DLG1: variants seen among roughly 807,000 people sequenced by gnomAD.
DLG1 encodes discs large MAGUK scaffold protein 1.
A neutral mutation model predicts 123.4 loss-of-function variants in DLG1; 42 were observed. That is an observed-to-expected ratio of 0.34 (90% CI 0.27 to 0.44). The LOEUF (loss-of-function observed/expected upper bound fraction) is 0.44. Ranked by LOEUF, DLG1 falls within the 20% of genes least tolerant of loss-of-function variation. The pLI is 1.00. For missense variants in DLG1, 942 were observed against 1,082.6 expected (o/e 0.87, Z 1.82); for synonymous variants, 317 against 356.2 (o/e 0.89, Z 1.24).
At chr3:197,178,105 T>TA (rs1210271761) in intron 5 of DLG1, among the ~76,000 whole-genome samples, 1 of 151,836 alleles carries the variant, frequency 6.6e-6, no homozygotes, top group Non-Finnish European at 1.5e-5. Context: ...AAAAAGACAG[T>TA]AAAAAATGTA....
intron 13 of DLG1, among the ~76,000 whole-genome samples, chr3:197,111,853 G>A (rs1185349649): frequency 6.6e-6 from 1 of 152,164 alleles, no homozygotes; most frequent in African/African-American, 2.4e-5. Context: ...TTTAATTGCT[G>A]AGTAGTATTA....
At chr3:197,276,125 C>T (rs140428812) in intron 4 of DLG1, among the ~76,000 whole-genome samples, 2 of 152,304 alleles carry the variant, frequency 1.3e-5, no homozygotes, top group East Asian at 1.9e-4. Context: ...GACATGTAAC[C>T]TGCTTTCACT....
At chr3:197,065,633 A>G in intron 21 of DLG1, 75 bp downstream of exon 21, 4 of 1,133,552 alleles carry the variant, frequency 3.5e-6, no homozygotes, top group South Asian at 2.8e-5. Context: ...AAAAATGGTT[A>G]TATCTATTTT....
chr3:197,190,371 A>T (rs528164960), intron 5 of DLG1, among the ~76,000 whole-genome samples: 5 of 147,396 alleles, frequency 3.4e-5, no homozygotes, highest in African/African-American at 1.3e-4. Context: ...CCAAATCCTC[A>T]CATACTGAAG....
At chr3:197,206,228 A>C (rs1047863069) in intron 4 of DLG1, among the ~76,000 whole-genome samples, 1 of 152,208 alleles carries the variant, frequency 6.6e-6, no homozygotes, top group Non-Finnish European at 1.5e-5. Context: ...ATTTCTACGG[A>C]TTCTTCTAAG....
chr3:197,174,053 A>T (rs1378377025), intron 5 of DLG1, among the ~76,000 whole-genome samples: 1 of 152,220 alleles, frequency 6.6e-6, no homozygotes, highest in Non-Finnish European at 1.5e-5. Context: ...ACTGCACTCC[A>T]GCCTGGGCGA....
intron 13 of DLG1, among the ~76,000 whole-genome samples, chr3:197,114,382 C>G (rs1417099275): frequency 6.6e-6 from 1 of 152,192 alleles, no homozygotes; most frequent in Admixed American, 6.5e-5. Flanking sequence ...ACGAACAAGA[C>G]AGAGTAGACT....
At chr3:197,047,750 C>T (rs1435753683) in intron 24 of DLG1, among the ~76,000 whole-genome samples, 1 of 152,004 alleles carries the variant, frequency 6.6e-6, no homozygotes, top group African/African-American at 2.4e-5. Flanking sequence ...AAACTAAACC[C>T]TTATCTTATA....
chr3:197,076,743 G>T (rs1578636374), intron 17 of DLG1, 58 bp from the exon 18 acceptor site: 1 of 1,311,138 alleles, frequency 7.6e-7, no homozygotes, highest in East Asian at 2.4e-5. Flanking sequence ...GTGTACAAAG[G>T]CCCAGCCTAG....
chr3:197,290,488 T>C (rs890897401), intron 3 of DLG1, among the ~76,000 whole-genome samples: 2 of 151,944 alleles, frequency 1.3e-5, no homozygotes, highest in Non-Finnish European at 2.9e-5. Context: ...AAAATCAGTA[T>C]CATCAACAAA....
At chr3:197,230,854 C>T (rs953104629) in intron 4 of DLG1, among the ~76,000 whole-genome samples, 3 of 152,034 alleles carry the variant, frequency 2.0e-5, no homozygotes, top group African/African-American at 7.3e-5. Context: ...TTAATTTTCA[C>T]ACTTGCCAAA....
At chr3:197,158,634 C>CA (rs71623339) in intron 5 of DLG1, among the ~76,000 whole-genome samples, 1,023 of 67,278 alleles carry the variant, frequency 0.015, 30 homozygotes, top group African/African-American at 0.025. Context: ...AACTCCATTT[C>CA]AAAAAAAAAA....
intron 5 of DLG1, among the ~76,000 whole-genome samples, chr3:197,184,929 G>T (rs1276943792): frequency 6.6e-6 from 1 of 152,112 alleles, no homozygotes; most frequent in Non-Finnish European, 1.5e-5. Flanking sequence ...GCAGATTGGT[G>T]TATCCTCTCC....
At chr3:197,127,225 C>A (rs903054732) in intron 11 of DLG1, among the ~76,000 whole-genome samples, 1 of 150,990 alleles carries the variant, frequency 6.6e-6, no homozygotes, top group Non-Finnish European at 1.5e-5. Context: ...GAGTTTGAGA[C>A]CAGCCTGGCC....
chr3:197,298,439 G>A, intron 1 of DLG1, 97 bp downstream of exon 1: 1 of 398,788 alleles, frequency 2.5e-6, no homozygotes, highest in South Asian at 1.3e-4. Flanking sequence ...CCACCGGCGC[G>A]TCCCGCAGTT....
At chr3:197,194,833 C>T (rs896408848) in intron 4 of DLG1, among the ~76,000 whole-genome samples, 3 of 152,006 alleles carry the variant, frequency 2.0e-5, no homozygotes, top group African/African-American at 7.3e-5. Flanking sequence ...ATATTGATTG[C>T]TCATTTCTTA....
intron 4 of DLG1, among the ~76,000 whole-genome samples, chr3:197,256,702 T>C (rs1049147282): frequency 2.0e-5 from 3 of 152,208 alleles, no homozygotes; most frequent in African/African-American, 7.2e-5. Flanking sequence ...TCTTTACCTA[T>C]AGTTTGGTTA....
intron 8 of DLG1, among the ~76,000 whole-genome samples, 187 bp from the exon 9 acceptor site, chr3:197,138,578 C>T (rs954240373): frequency 1.9e-4 from 28 of 150,962 alleles, no homozygotes; most frequent in Non-Finnish European, 3.4e-4. Context: ...CAAACATTTC[C>T]CAAGGGCCAG....
intron 4 of DLG1, among the ~76,000 whole-genome samples, chr3:197,220,714 G>A (rs1462857157): frequency 6.6e-6 from 1 of 152,244 alleles, no homozygotes; most frequent in East Asian, 1.9e-4. Flanking sequence ...AAAGACTGAG[G>A]AACTAGCTAG....
Sources: allele counts gnomAD v4.1 joint callset (sites outside exome capture counted in the v4.1 genomes callset), GRCh38; gene constraint gnomAD v4.1.1; transcripts MANE v1.5; gene names NCBI Gene and HGNC (gene_info 2026-07-23, HGNC 2026-07-21).